Variants in PLXNA2 observed in about 807,000 individuals in gnomAD.
The protein encoded by PLXNA2 is plexin-A2.
In PLXNA2, 91 loss-of-function variants were observed where a neutral mutation model predicts 193.5. That is an observed-to-expected ratio of 0.47 (90% CI 0.40 to 0.56). The LOEUF is 0.56. PLXNA2 is among the 20% of genes least tolerant of loss of function. PLXNA2 has a pLI of 0.00. For synonymous variants in PLXNA2, 997 were observed against 1,027.3 expected, an observed-to-expected ratio of 0.97 and a Z score of 0.56; for missense variants, 1,995 against 2,503.2, an observed-to-expected ratio of 0.80 and a Z score of 4.33.
rs1263826884 is a variant in PLXNA2 at position 208,236,503 on chromosome 1, TC to T, written c.-81+7139del. Among the ~76,000 whole-genome samples the T allele has an allele frequency of 6.6e-6, 1 of 152,114 alleles. No individual in the cohort carries two copies. The highest frequency in any genetic ancestry group is 1.9e-4 in the East Asian group (1 of 5,180). ...CTGCTCCTGAACCTTCCACCCTCTC[TC>T]CCTTAAAGGGTGGAGCACACTGCCT... is the stretch of plus-strand genomic sequence containing the variant. On this transcript the variant is annotated intron_variant, in intron 1 of 31. Transcript: ENST00000367033. This position sits in a 1 kb window ranked among gnomAD's most constrained non-coding sequence, Gnocchi z 4.4.
At chr1:208,055,214 C>G (rs964876734) in intron 13 of PLXNA2, among the ~76,000 whole-genome samples, 3 of 152,112 alleles carry the variant, frequency 2.0e-5, no homozygotes, top group Non-Finnish European at 4.4e-5. Flanking sequence ...GAGACAGTGA[C>G]ACGGCCCTGA....
Position 208,217,181 on chromosome 1 carries a change from C to A in PLXNA2, c.742G>T (p.Ala248Ser). ...HFDIFYIYGF[A>S]SGGFVYFLTV... ...AGAAAGTAGACAAAGCCCCCACTAGCAAAGCCGTAGATGTAGAAGATGTCA... is the reference window on the plus strand; with the variant it reads ...AGAAAGTAGACAAAGCCCCCACTAGAAAAGCCGTAGATGTAGAAGATGTCA... The change falls in exon 2 of 32, where the codon GCT becomes TCT. Residue 248 changes from alanine to serine, a missense_variant. Physicochemically the swap from Ala to Ser is moderately conservative, Grantham distance 99. This residue lies in a region of PLXNA2 where 702 missense variants were observed against 812.9 expected (regional missense o/e 0.86). Transcript: ENST00000367033. The surrounding 1 kb of genome is among the most constrained non-coding windows in gnomAD (Gnocchi z 4.7). 6.2e-7 allele frequency: 1 copy of A among 1,614,172 alleles called. No homozygotes were observed. Among genetic ancestry groups the A allele is most frequent in the Non-Finnish European group, 8.5e-7 (1 of 1,180,036 alleles).
chr1:208,184,748 T>TAC (rs371660120), intron 3 of PLXNA2, among the ~76,000 whole-genome samples: 3,031 of 149,632 alleles, frequency 0.02, 80 homozygotes, highest in African/African-American at 0.063. Flanking sequence ...TCACAAAGAG[T>TAC]ACACACACAC....
chr1:208,040,405 C>T (rs1664827445), intron 22 of PLXNA2: 2 of 264,168 alleles, frequency 7.6e-6, no homozygotes, highest in South Asian at 1.2e-4. Flanking sequence ...TCCCAACTCA[C>T]TTCTGGCCTC....
At chr1:208,051,444 G>T in intron 15 of PLXNA2, 21 bp from the exon 16 acceptor site, 1 of 1,598,936 alleles carries the variant, frequency 6.3e-7, no homozygotes, top group African/African-American at 1.3e-5. Flanking sequence ...GACAGCAGGA[G>T]GGTTGAGAAG....
In PLXNA2 at chr1:208,217,438, A is replaced by T. The variant is rs1300086937; in HGVS notation, c.485T>A (p.Val162Asp). 4 of 1,613,996 alleles carry T rather than the reference A, an allele frequency of 2.5e-6. No homozygotes were observed. The highest frequency in any genetic ancestry group is 1.7e-6 in the Non-Finnish European group (2 of 1,180,032). Reference protein sequence around the residue: ...SHKKEHYLSSVNKTGTMYGVI... With the variant: ...SHKKEHYLSSDNKTGTMYGVI... Reference sequence around the variant, plus strand: ...CCCGTACATGGTGCCCGTCTTGTTGACACTGGACAGGTAGTGCTCCTTCTT... The same window carrying T: ...CCCGTACATGGTGCCCGTCTTGTTGTCACTGGACAGGTAGTGCTCCTTCTT... The change falls in exon 2 of 32, where the codon GTC becomes GAC. Residue 162 changes from valine to aspartate, a missense_variant. Physicochemically the swap from Val to Asp is radical, Grantham distance 152 (BLOSUM62 -3). Transcript: ENST00000367033. The surrounding 1 kb of genome is among the most constrained non-coding windows in gnomAD (Gnocchi z 4.7).
chr1:208,161,061 T>C (rs1259305882), intron 3 of PLXNA2, among the ~76,000 whole-genome samples: 1 of 152,240 alleles, frequency 6.6e-6, no homozygotes, highest in Non-Finnish European at 1.5e-5. Flanking sequence ...GAGCTGCTGC[T>C]CCTAGTCGCC....
In PLXNA2 at chr1:208,031,776, G is replaced by C. The variant is rs376129373; in HGVS notation, c.5056-17C>G. Reference sequence around the variant, plus strand: ...CAGGGTGCCCTGGAGGAGGGGTGGGGGAGAGTAAGATGGAGGGGGGTGACG... The same window carrying C: ...CAGGGTGCCCTGGAGGAGGGGTGGGCGAGAGTAAGATGGAGGGGGGTGACG... On this transcript the variant is annotated splice_polypyrimidine_tract_variant and intron_variant, in intron 28 of 31. Coordinates refer to ENST00000367033, the MANE Select transcript of PLXNA2 (RefSeq NM_025179.4). 1.7e-4 allele frequency: 264 copies of C among 1,583,040 alleles called. No individual in the cohort carries two copies. Among genetic ancestry groups the C allele is most frequent in the Non-Finnish European group, 2.2e-4 (252 of 1,160,936 alleles).
At chr1:208,177,131 T>G (rs1669684346) in intron 3 of PLXNA2, among the ~76,000 whole-genome samples, 1 of 152,222 alleles carries the variant, frequency 6.6e-6, no homozygotes, top group East Asian at 1.9e-4. Flanking sequence ...TATTTCTGTC[T>G]TGGTACTATT....
chr1:208,031,074 A>G, intron 29 of PLXNA2: 1 of 990,366 alleles, frequency 1.0e-6, no homozygotes, highest in Non-Finnish European at 1.2e-6. Context: ...CCTCCCTGTC[A>G]GTGGGCTCAA....
chr1:208,067,216 T>C (rs1336718983), intron 12 of PLXNA2, among the ~76,000 whole-genome samples: 2 of 151,988 alleles, frequency 1.3e-5, no homozygotes, highest in African/African-American at 4.8e-5. Context: ...TGGTGTTGCA[T>C]GCCTGTAATC....
rs1664345862 is a variant in PLXNA2, at chr1:208,026,554, TC to T, written c.*688del. On this transcript the variant is annotated 3_prime_UTR_variant, in exon 32 of 32. Transcript: ENST00000367033. ...GTGCAAAGTTCTGGAAGTTCCATAC[TC>T]CTCTGGCTGCCGGGATAATTCCAGG... The T allele has an allele frequency of 6.6e-6, 1 of 152,146 alleles. No homozygotes were observed. Among genetic ancestry groups the T allele is most frequent in the Admixed American group, 6.5e-5 (1 of 15,278 alleles). The allele number at this position is 152,146 out of a possible 1,614,324, so 9.4% of individuals were successfully genotyped here.
In PLXNA2 at chr1:208,096,037, G is replaced by A; in HGVS notation, c.1974C>T (p.Ala658=). 2 of 1,612,010 alleles carry A rather than the reference G, an allele frequency of 1.2e-6. No homozygotes were observed. The highest frequency in any genetic ancestry group is 2.2e-5 in the South Asian group (2 of 91,026). Reference sequence around the variant, plus strand: ...TTCTAATAAGCACTTACAGTTGGTGGGCACTGCAGTTGTAAAACTTGAACT... The same window carrying A: ...TTCTAATAAGCACTTACAGTTGGTGAGCACTGCAGTTGTAAAACTTGAACT... The part of the protein sequence containing the change: ...STEFKFYNCS[A]HQLCLSCVNS... Residue 658 remains alanine (A), a synonymous_variant, in exon 8 of 32, where the codon GCC becomes GCT. Transcript: ENST00000367033.
intron 1 of PLXNA2, among the ~76,000 whole-genome samples, chr1:208,229,356 C>T (rs979620037): frequency 1.5e-4 from 23 of 152,114 alleles, no homozygotes; most frequent in Non-Finnish European, 3.1e-4. Flanking sequence ...AACAATATCT[C>T]GTGCTTCTTG....
chr1:208,104,624 G>T (rs534344976), intron 4 of PLXNA2, among the ~76,000 whole-genome samples: 1 of 152,296 alleles, frequency 6.6e-6, no homozygotes, highest in Non-Finnish European at 1.5e-5. Context: ...GAGCGAAAGC[G>T]ATCATGGATA....
At chr1:208,141,896 G>A (rs558363259) in intron 4 of PLXNA2, among the ~76,000 whole-genome samples, 6 of 152,186 alleles carry the variant, frequency 3.9e-5, no homozygotes, top group African/African-American at 1.2e-4. Context: ...TAAGACTCAC[G>A]CCAAGATTTT....
At chr1:208,106,035 A>T (rs957953912) in intron 4 of PLXNA2, among the ~76,000 whole-genome samples, 2 of 149,694 alleles carry the variant, frequency 1.3e-5, no homozygotes, top group African/African-American at 4.9e-5. Flanking sequence ...CCAATAGCAC[A>T]ACTATTTTTC....
At chr1:208,142,855 G>A (rs1003010792) in intron 3 of PLXNA2, among the ~76,000 whole-genome samples, 1 of 152,222 alleles carries the variant, frequency 6.6e-6, no homozygotes, top group African/African-American at 2.4e-5. Flanking sequence ...GTCAACATCT[G>A]TTCACAGTAT....
At chr1:208,189,720 AAT>A (rs1389556096) in intron 3 of PLXNA2, among the ~76,000 whole-genome samples, 2 of 152,160 alleles carry the variant, frequency 1.3e-5, no homozygotes, top group African/African-American at 4.8e-5. Flanking sequence ...TGATTTACCC[AAT>A]ATAATCCTCT....
Sources: gnomAD v4.1 joint callset for allele counts (sites outside exome capture counted in the v4.1 genomes callset) on GRCh38, gnomAD v4.1.1 for gene constraint, gnomAD v4.1.1 regional missense constraint, Gnocchi (gnomAD v3.1) non-coding constraint, MANE v1.5 for transcripts, NCBI Gene and HGNC (gene_info 2026-07-23, HGNC 2026-07-21) for gene names.